The following LRPAP1 variants were observed in gnomAD, a reference collection of about 807,000 sequenced individuals.
LRPAP1 encodes the protein LDL receptor related protein associated protein 1, also known as alpha-2-macroglobulin receptor-associated protein.
LRPAP1 carries 41 observed loss-of-function variants against 39.9 expected under a neutral mutation model. That is an observed-to-expected ratio of 1.03 (90% CI 0.80 to 1.33). The LOEUF is 1.33. Among genes scored for constraint, LRPAP1 ranks in the 40% most tolerant of loss-of-function variants. LRPAP1 has a pLI of 0.00. For synonymous variants in LRPAP1, 263 were observed against 212.7 expected, an observed-to-expected ratio of 1.24 and a Z score of -2.06; for missense variants, 565 against 482.3, an observed-to-expected ratio of 1.17 and a Z score of -1.61.
Position 3,505,460 on chromosome 4 carries a change from G to A in LRPAP1, c.*7514C>T, listed in dbSNP as rs16844488. Among the ~76,000 whole-genome samples, 3,091 of 152,334 alleles carry A rather than the reference G, an allele frequency of 0.02. 111 individuals are homozygous for A. The highest frequency in any genetic ancestry group is 0.071 in the African/African-American group (2,959 of 41,578). On this transcript the variant is annotated 3_prime_UTR_variant, in exon 8 of 8. Transcript: ENST00000650182. The stretch of plus-strand genomic sequence containing the variant: ...ACTTCCTTGTCAAGCATGACTCCGA[G>A]CGGCACTTCTTCCACACCGCGCAGC...
chr4:3,519,965 C>G, intron 3 of LRPAP1, 107 bp downstream of exon 3: 1 of 1,396,420 alleles, frequency 7.2e-7, no homozygotes. Context: ...GAGACTTTCC[C>G]AAACCCCGGC....
rs1208638954 is a variant in LRPAP1 at position 3,511,439 on chromosome 4, A to C, written c.*1535T>G. Reference sequence around the variant, plus strand: ...AGGGCTGAGTCTCACCAACACACTGAGTACCTTAAGGCTCTCAGGATAATG... The same window carrying C: ...AGGGCTGAGTCTCACCAACACACTGCGTACCTTAAGGCTCTCAGGATAATG... On this transcript the variant is annotated 3_prime_UTR_variant, in exon 8 of 8. Coordinates refer to ENST00000650182, the MANE Select transcript of LRPAP1 (RefSeq NM_002337.4). 7 of 152,166 alleles carry C rather than the reference A, an allele frequency of 4.6e-5. No homozygotes were observed. The highest frequency in any genetic ancestry group is 6.5e-5 in the Admixed American group (1 of 15,270). 9.4% of individuals were successfully genotyped at this position (152,166 alleles called of 1,614,324 possible).
At chr4:3,519,403 C>T (rs576273018) in intron 3 of LRPAP1, among the ~76,000 whole-genome samples, 5 of 152,348 alleles carry the variant, frequency 3.3e-5, no homozygotes, top group African/African-American at 1.2e-4. Flanking sequence ...GATGACGTGG[C>T]TCACACACGT....
At chr4:3,514,536 C>T (rs1577203521) in intron 7 of LRPAP1, among the ~76,000 whole-genome samples, 2 of 152,348 alleles carry the variant, frequency 1.3e-5, no homozygotes, top group East Asian at 1.9e-4. Flanking sequence ...ACCTGAGGGT[C>T]GGGGGACTGC....
At position 3,504,952 on chromosome 4, in the gene LRPAP1, A is replaced by G. The variant is rs1370770074; in HGVS notation, c.*8022T>C. Among the ~76,000 whole-genome samples, 1 of 76,670 alleles carries G rather than the reference A, an allele frequency of 1.3e-5. No individual in the cohort carries two copies. The highest frequency in any genetic ancestry group is 2.8e-5 in the Non-Finnish European group (1 of 35,094). The allele number at this position is 76,670 out of a possible 152,430, so 50.3% of individuals were successfully genotyped here. ...ACAGAGCAAGACTCCGTCTCAAGAA[A>G]AAAATAAATAACAAAGAACAGAAGA... is the stretch of plus-strand genomic sequence containing the variant. On this transcript the variant is annotated 3_prime_UTR_variant, in exon 8 of 8. Transcript: ENST00000650182.
intron 7 of LRPAP1, among the ~76,000 whole-genome samples, chr4:3,514,251 C>T (rs565606685): frequency 6.6e-6 from 1 of 152,386 alleles, no homozygotes; most frequent in South Asian, 2.1e-4. Flanking sequence ...TTAAAAGGCA[C>T]AGATGGGGCT....
chr4:3,517,166 TG>T (rs2108689146), intron 5 of LRPAP1, among the ~76,000 whole-genome samples: 1 of 151,772 alleles, frequency 6.6e-6, no homozygotes, highest in Non-Finnish European at 1.5e-5. Flanking sequence ...GGTTTGGGGG[TG>T]GGTGGTGAGG....
At chr4:3,527,481 G>T (rs1013116305) in intron 1 of LRPAP1, among the ~76,000 whole-genome samples, 3 of 152,310 alleles carry the variant, frequency 2.0e-5, no homozygotes, top group Admixed American at 6.5e-5. Context: ...ACTCCTGGAG[G>T]AACAGGTCTG....
rs764741568 is a variant in LRPAP1, at chr4:3,532,395, G to T, written c.18C>A (p.Val6=). 49 of 1,580,142 alleles carry T rather than the reference G, an allele frequency of 3.1e-5. No homozygotes were observed. The Admixed American group carries it at 6.4e-4, about 21-fold the overall frequency. Residue 6 remains valine, a synonymous_variant, in exon 1 of 8, where the codon GTC becomes GTA. Transcript: ENST00000650182. ...CCGGGAGCCCGCGCAGAAACGACCT[G>T]ACCCTCCGCGGCGCCATCTTCCTCT... The part of the protein sequence containing the change: MAPRR[V]RSFLRGLPAL...
At position 3,509,896 on chromosome 4, in the gene LRPAP1, C is replaced by T. The variant is rs914556643; in HGVS notation, c.*3078G>A. On this transcript the variant is annotated 3_prime_UTR_variant, in exon 8 of 8. Coordinates refer to ENST00000650182, the MANE Select transcript of LRPAP1 (RefSeq NM_002337.4). ...GTGGACACTGGAGACTGTTAAGACACCGATTCTTCCCAACATGTATTCAAG... is the reference window on the plus strand; with the variant it reads ...GTGGACACTGGAGACTGTTAAGACATCGATTCTTCCCAACATGTATTCAAG... 2.6e-5 allele frequency: 4 copies of T among 152,236 alleles called. No individual in the cohort carries two copies. Among genetic ancestry groups the T allele is most frequent in the Non-Finnish European group, 5.9e-5 (4 of 68,056 alleles). The allele number at this position is 152,236 out of a possible 1,614,324, so 9.4% of individuals were successfully genotyped here.
At chr4:3,519,796 C>T (rs373652562) in intron 3 of LRPAP1, among the ~76,000 whole-genome samples, 7 of 152,358 alleles carry the variant, frequency 4.6e-5, no homozygotes, top group Middle Eastern at 3.4e-3. Flanking sequence ...GTCACCATCC[C>T]GTAACCACAC....
chr4:3,509,266 G>A lies in LRPAP1; in HGVS notation c.*3708C>T, dbSNP rs553257162. The A allele has an allele frequency of 6.3e-5, 9 of 143,000 alleles. No homozygotes were observed. The highest frequency in any genetic ancestry group is 2.4e-4 in the South Asian group (1 of 4,182). The allele number at this position is 143,000 out of a possible 1,614,324, so 8.9% of individuals were successfully genotyped here. Reference sequence around the variant, plus strand: ...TGGAGTCACACACGGCAGTCAACGCGTGGACACCGGAGACTGTTGAGACGC... The same window carrying A: ...TGGAGTCACACACGGCAGTCAACGCATGGACACCGGAGACTGTTGAGACGC... On this transcript the variant is annotated 3_prime_UTR_variant, in exon 8 of 8. Coordinates refer to ENST00000650182, the MANE Select transcript of LRPAP1 (RefSeq NM_002337.4).
chr4:3,531,387 A>C (rs1282033564), intron 1 of LRPAP1, among the ~76,000 whole-genome samples: 2 of 149,718 alleles, frequency 1.3e-5, no homozygotes, highest in Non-Finnish European at 3.0e-5. Context: ...TGGACTATTG[A>C]GACAGAGATC....
rs1057313204 is a variant in LRPAP1 at position 3,509,937 on chromosome 4, A to T, written c.*3037T>A. 3 of 152,376 alleles carry T rather than the reference A, an allele frequency of 2.0e-5. No homozygotes were observed. Among genetic ancestry groups the T allele is most frequent in the Admixed American group, 1.3e-4 (2 of 15,306 alleles). 9.4% of individuals were successfully genotyped at this position (152,376 alleles called of 1,614,324 possible). A position where few individuals can be genotyped will look rare whatever the true frequency, so the allele number is the denominator to read the frequency against. ...TGTATTCAAGACATTCAGAAAAGGT[A>T]TTCAAAAATGCGTTCAAGGGAATTG... On this transcript the variant is annotated 3_prime_UTR_variant, in exon 8 of 8. Transcript: ENST00000650182.
chr4:3,522,127 C>A (rs1729927609), intron 2 of LRPAP1, among the ~76,000 whole-genome samples: 1 of 152,262 alleles, frequency 6.6e-6, no homozygotes, highest in South Asian at 2.1e-4. Flanking sequence ...TGAAGGCCGT[C>A]CTGCCCAGAC....
intron 5 of LRPAP1, among the ~76,000 whole-genome samples, chr4:3,517,091 C>A (rs571595504): frequency 6.7e-6 from 1 of 148,910 alleles, no homozygotes; most frequent in East Asian, 2.1e-4. Flanking sequence ...GGTCCAGCCC[C>A]CAGCACTACG....
chr4:3,517,776 G>A (rs1729763639), intron 5 of LRPAP1: 1 of 421,046 alleles, frequency 2.4e-6, no homozygotes, highest in Non-Finnish European at 4.2e-6. Context: ...CGCTGGGAAG[G>A]GCTGCTCCCA....
intron 5 of LRPAP1, 132 bp downstream of exon 5, chr4:3,517,902 A>T (rs1729769343): frequency 3.5e-6 from 4 of 1,155,502 alleles, no homozygotes; most frequent in Non-Finnish European, 4.8e-6. Flanking sequence ...GGGTAGACTG[A>T]GCGCGCCGAG....
At chr4:3,514,971 C>A in intron 6 of LRPAP1, 43 bp from the exon 7 acceptor site, 1 of 1,597,154 alleles carries the variant, frequency 6.3e-7, no homozygotes, top group South Asian at 1.1e-5. Flanking sequence ...TTCCCGTGCT[C>A]GCCACGCCAT....
Sources: allele counts gnomAD v4.1 joint callset (sites outside exome capture counted in the v4.1 genomes callset), GRCh38; gene constraint gnomAD v4.1.1; transcripts MANE v1.5; gene names NCBI Gene and HGNC (gene_info 2026-07-23, HGNC 2026-07-21).